The following RNF149 variants were observed in gnomAD, a reference collection of about 807,000 sequenced individuals.
RNF149 encodes the protein ring finger protein 149, also known as E3 ubiquitin-protein ligase RNF149.
Under a neutral mutation model 39.0 loss-of-function variants are expected in RNF149, and 21 were observed. The observed-to-expected ratio is 0.54, with a 90% CI of 0.38 to 0.77. The LOEUF is 0.77. Among genes scored for constraint, RNF149 ranks in the 30% least tolerant of loss-of-function variants. RNF149 has a pLI of 0.00. For synonymous variants in RNF149, 209 were observed against 213.6 expected (o/e 0.98, Z 0.19); for missense variants, 493 against 534.9 (o/e 0.92, Z 0.77).
In RNF149 at chr2:101,286,163, C is replaced by A; in HGVS notation, c.878G>T (p.Arg293Ile). 6.3e-7 allele frequency: 1 copy of A among 1,595,382 alleles called. No homozygotes were observed. Among genetic ancestry groups the A allele is most frequent in the Non-Finnish European group, 8.6e-7 (1 of 1,163,936 alleles). ...CAAAAGCCATGGGTCAATGCATATT[C>A]TATGAAAAATATGCCTAAAAAGATT... ...RILPCKHIFH[R>I]ICIDPWLLDH... is the part of the protein sequence containing the mutation. Residue 293 changes from arginine (R) to isoleucine (I), a missense_variant, in exon 5 of 7, where the codon AGA (arginine) becomes ATA (isoleucine). Transcript: ENST00000295317.
At position 101,281,625 on chromosome 2, in the gene RNF149, T is replaced by G. The variant is rs576513717; in HGVS notation, c.1159+234A>C. ...AAGCCACTCTCCTGCCTCAGCATTC[T>G]GAGTAGCTGGGACTACAGGAGAATG... On this transcript the variant is annotated intron_variant, in intron 6 of 6. Coordinates refer to ENST00000295317, the MANE Select transcript of RNF149 (RefSeq NM_173647.4). The G allele has an allele frequency of 6.9e-4, 357 of 515,728 alleles. 3 individuals carry two copies. The highest frequency in any genetic ancestry group is 6.4e-3 in the African/African-American group (333 of 52,102). The allele number at this position is 515,728 out of a possible 1,614,324, so 31.9% of individuals were successfully genotyped here. A position where few individuals can be genotyped will look rare whatever the true frequency, so the allele number is the denominator to read the frequency against.
intron 1 of RNF149, among the ~76,000 whole-genome samples, chr2:101,297,206 T>A (rs1683265659): frequency 6.6e-6 from 1 of 151,148 alleles, no homozygotes; most frequent in Admixed American, 6.6e-5. Flanking sequence ...CAAGACTCCA[T>A]CTCAAACAAA....
chr2:101,278,520 T>C (rs1052499854), intron 6 of RNF149, among the ~76,000 whole-genome samples: 6 of 152,210 alleles, frequency 3.9e-5, no homozygotes, highest in African/African-American at 9.7e-5. Flanking sequence ...TATAAGTGTA[T>C]ATTTATAAAT....
chr2:101,301,032 C>T (rs1683431851), intron 1 of RNF149, among the ~76,000 whole-genome samples: 1 of 152,224 alleles, frequency 6.6e-6, no homozygotes, highest in Non-Finnish European at 1.5e-5. Context: ...TATTTCCAAA[C>T]TAAATGACTG....
In RNF149 at chr2:101,276,448, G is replaced by C; in HGVS notation, c.*790C>G. On this transcript the variant is annotated 3_prime_UTR_variant, in exon 7 of 7. Coordinates refer to ENST00000295317, the MANE Select transcript of RNF149 (RefSeq NM_173647.4). Reference sequence around the variant, plus strand: ...CATCTTTCGCCCTTTTAATTGTAAAGATTAAATTGTAACTGAAATCAATAT... The same window carrying C: ...CATCTTTCGCCCTTTTAATTGTAAACATTAAATTGTAACTGAAATCAATAT... The C allele has an allele frequency of 1.0e-6, 1 of 985,540 alleles. No individual in the cohort carries two copies. Among genetic ancestry groups the C allele is most frequent in the South Asian group, 4.7e-5 (1 of 21,274 alleles). The allele number at this position is 985,540 out of a possible 1,614,324, so 61.0% of individuals were successfully genotyped here. A position where few individuals can be genotyped will look rare whatever the true frequency, so the allele number is the denominator to read the frequency against.
intron 1 of RNF149, among the ~76,000 whole-genome samples, chr2:101,303,629 T>C (rs994790608): frequency 1.8e-4 from 28 of 152,142 alleles, no homozygotes; most frequent in Non-Finnish European, 2.9e-5. Flanking sequence ...CTCTTATCAA[T>C]AGGAGGGATT....
downstream of RNF149, among the ~76,000 whole-genome samples, chr2:101,274,358 G>A (rs1682251586): frequency 6.6e-6 from 1 of 152,186 alleles, no homozygotes. Flanking sequence ...ATTTCTCCCT[G>A]CAGATGGACT....
chr2:101,282,160 T>A (rs770848839), intron 5 of RNF149, 103 bp from the exon 6 acceptor site: 1 of 1,486,790 alleles, frequency 6.7e-7, no homozygotes, highest in South Asian at 1.3e-5. Context: ...TACGTACTTC[T>A]GTACAATGAA....
In RNF149 at chr2:101,276,063, T is replaced by C; in HGVS notation, c.*1175A>G. Reference sequence around the variant, plus strand: ...AATCTTTATATCCTACATATGGCTATAAAAATAAATTTATAATTTTAAAAA... The same window carrying C: ...AATCTTTATATCCTACATATGGCTACAAAAATAAATTTATAATTTTAAAAA... On this transcript the variant is annotated 3_prime_UTR_variant, in exon 7 of 7. Coordinates refer to ENST00000295317, the MANE Select transcript of RNF149 (RefSeq NM_173647.4). 3 of 857,134 alleles carry C rather than the reference T, an allele frequency of 3.5e-6. No homozygotes were observed. The highest frequency in any genetic ancestry group is 4.2e-6 in the Non-Finnish European group (3 of 713,094). The allele number at this position is 857,134 out of a possible 1,614,324, so 53.1% of individuals were successfully genotyped here.
At chr2:101,298,682 A>G (rs1434418679) in intron 1 of RNF149, among the ~76,000 whole-genome samples, 2 of 152,088 alleles carry the variant, frequency 1.3e-5, no homozygotes, top group African/African-American at 4.8e-5. Flanking sequence ...AACAAAAAAC[A>G]ACGAAAACCC....
intron 6 of RNF149, among the ~76,000 whole-genome samples, chr2:101,281,110 CAG>C (rs1682565615): frequency 6.6e-6 from 1 of 152,070 alleles, no homozygotes; most frequent in African/African-American, 2.4e-5. Flanking sequence ...ATCAGAGTGA[CAG>C]AAAACAATTA....
intron 3 of RNF149, among the ~76,000 whole-genome samples, chr2:101,290,172 C>T (rs1044218144): frequency 3.9e-5 from 6 of 152,126 alleles, no homozygotes; most frequent in Non-Finnish European, 8.8e-5. Flanking sequence ...CAGCGAGACT[C>T]CGTCTCAAAA....
At chr2:101,286,042 C>G (rs1443717359) in intron 5 of RNF149, 39 bp downstream of exon 5, 8 of 1,173,154 alleles carry the variant, frequency 6.8e-6, no homozygotes, top group Non-Finnish European at 8.9e-6. Flanking sequence ...TCAGGAAGAA[C>G]TGGGGCAGAG....
rs754495154 is a variant in RNF149 at position 101,281,927 on chromosome 2, G to A, written c.1091C>T (p.Pro364Leu). 3 of 1,613,854 alleles carry A rather than the reference G, an allele frequency of 1.9e-6. No individual in the cohort carries two copies. The highest frequency in any genetic ancestry group is 2.5e-6 in the Non-Finnish European group (3 of 1,179,818). Reference protein sequence around the residue: ...SDDSSPPSASPAESEPQCDPS... With the variant: ...SDDSSPPSASLAESEPQCDPS... ...ATCACACTGTGGCTCAGATTCAGCA[G>A]GGGAGGCTGATGGTGGACTGCTGTC... The change falls in exon 6 of 7, where the codon CCT (proline) becomes CTT (leucine). Residue 364 changes from proline (P) to leucine (L), a missense_variant. Transcript: ENST00000295317.
chr2:101,287,931 C>T (rs1007431910), intron 4 of RNF149, among the ~76,000 whole-genome samples: 1 of 152,192 alleles, frequency 6.6e-6, no homozygotes, highest in African/African-American at 2.4e-5. Context: ...TTAAAACATA[C>T]AATTTCTGTA....
At chr2:101,273,472 G>GTT, downstream of RNF149, 4 of 327,366 alleles carry the variant, frequency 1.2e-5, no homozygotes, top group Non-Finnish European at 5.9e-6. Context: ...TGTAATATTT[G>GTT]TTTCTTTTTT....
chr2:101,282,075 A>G lies in RNF149; in HGVS notation c.961-18T>C, dbSNP rs757943873. 3.3e-5 allele frequency: 53 copies of G among 1,613,056 alleles called. No homozygotes were observed. Among genetic ancestry groups the G allele is most frequent in the Non-Finnish European group, 4.4e-5 (52 of 1,179,636 alleles). Reference sequence around the variant, plus strand: ...GGCTCTCCCTTGAGAATTAGAACAGAAGAAAAAACATGATCAAAGCTTAAA... The same window carrying G: ...GGCTCTCCCTTGAGAATTAGAACAGGAGAAAAAACATGATCAAAGCTTAAA... On this transcript the variant is annotated intron_variant, in intron 5 of 6. Coordinates refer to ENST00000295317, the MANE Select transcript of RNF149 (RefSeq NM_173647.4).
chr2:101,288,557 G>A (rs1479570030), intron 4 of RNF149, among the ~76,000 whole-genome samples: 1 of 152,062 alleles, frequency 6.6e-6, no homozygotes, highest in Non-Finnish European at 1.5e-5. Flanking sequence ...AGGAACGCAA[G>A]CCCAGGGTGC....
At chr2:101,291,621 G>T (rs1379240917) in intron 3 of RNF149, among the ~76,000 whole-genome samples, 4 of 152,220 alleles carry the variant, frequency 2.6e-5, no homozygotes, top group African/African-American at 9.6e-5. Flanking sequence ...ATCAAAGACT[G>T]TATTAAAATG....
Sources: allele counts gnomAD v4.1 joint callset (sites outside exome capture counted in the v4.1 genomes callset), GRCh38; gene constraint gnomAD v4.1.1; transcripts MANE v1.5; gene names NCBI Gene and HGNC (gene_info 2026-07-23, HGNC 2026-07-21).